Variants in GBF1 observed in about 807,000 individuals in gnomAD.
The protein encoded by GBF1 is Golgi-specific brefeldin A-resistance guanine nucleotide exchange factor 1.
In GBF1, 114 loss-of-function variants were observed where a neutral mutation model predicts 210.5. The ratio of observed to expected loss-of-function variants is 0.54; its 90% CI spans 0.47 to 0.63. GBF1 has a LOEUF of 0.63. GBF1 is among the 30% of genes least tolerant of loss of function. GBF1 has a pLI of 0.00. For synonymous variants in GBF1, 850 were observed against 889.2 expected, an observed-to-expected ratio of 0.96 and a Z score of 0.78; for missense variants, 1,851 against 2,357.7, an observed-to-expected ratio of 0.79 and a Z score of 4.45.
At position 102,358,118 on chromosome 10, in the gene GBF1, T is replaced by TGACCAA. The variant is rs1295163611; in HGVS notation, c.720_725dup (p.Thr241_Lys242dup). On this transcript the variant is annotated inframe_insertion, in exon 9 of 40. Transcript: ENST00000369983. Reference sequence around the variant, plus strand: ...AGATCCCCTCGGCCCCCACGCCATATGACCAAAGTCACACCAGGTTCAGAG... The same window carrying TGACCAA: ...AGATCCCCTCGGCCCCCACGCCATATGACCAAGACCAAAGTCACACCAGGTTCAGAG... 4 of 1,612,982 alleles carry TGACCAA rather than the reference T, an allele frequency of 2.5e-6. No individual in the cohort carries two copies. Among genetic ancestry groups the TGACCAA allele is most frequent in the Non-Finnish European group, 3.4e-6 (4 of 1,179,052 alleles).
chr10:102,250,554 G>A (rs560988052), intron 1 of GBF1, among the ~76,000 whole-genome samples: 2 of 142,112 alleles, frequency 1.4e-5, no homozygotes, highest in African/African-American at 2.6e-5. Flanking sequence ...AATTTATGTT[G>A]CCTAGGCTGG....
At chr10:102,368,171 G>T in intron 21 of GBF1, 47 bp from the exon 22 acceptor site, 1 of 1,243,276 alleles carries the variant, frequency 8.0e-7, no homozygotes, top group East Asian at 2.3e-5. Context: ...TTTGGAACTA[G>T]TCAGGTTCAA....
At chr10:102,285,586 C>G (rs2075865174) in intron 3 of GBF1, among the ~76,000 whole-genome samples, 1 of 152,124 alleles carries the variant, frequency 6.6e-6, no homozygotes, top group Non-Finnish European at 1.5e-5. Flanking sequence ...TTACCCCTCT[C>G]TTTTTTAGTC....
At chr10:102,290,746 C>T (rs938686851) in intron 3 of GBF1, among the ~76,000 whole-genome samples, 1 of 152,206 alleles carries the variant, frequency 6.6e-6, no homozygotes, top group Non-Finnish European at 1.5e-5. Flanking sequence ...CTAAAGCAAT[C>T]CACCTGCCTG....
At chr10:102,268,711 A>C (rs1189855336) in intron 3 of GBF1, among the ~76,000 whole-genome samples, 1 of 152,134 alleles carries the variant, frequency 6.6e-6, no homozygotes, top group Non-Finnish European at 1.5e-5. Context: ...TGTTGTTTTG[A>C]TTAGGAGAGA....
At chr10:102,285,905 T>G (rs952315219) in intron 3 of GBF1, among the ~76,000 whole-genome samples, 2 of 152,184 alleles carry the variant, frequency 1.3e-5, no homozygotes, top group African/African-American at 2.4e-5. Flanking sequence ...TTAATGTGTT[T>G]GCTGTATCTC....
At position 102,368,460 on chromosome 10, in the gene GBF1, C is replaced by T. The variant is rs1394905090; in HGVS notation, c.2879+6C>T. 1 of 1,520,332 alleles carries T rather than the reference C, an allele frequency of 6.6e-7. No homozygotes were observed. Among genetic ancestry groups the T allele is most frequent in the African/African-American group, 1.4e-5 (1 of 73,004 alleles). The allele number at this position is 1,520,332 out of a possible 1,614,324, so 94.2% of individuals were successfully genotyped here. On this transcript the variant is annotated splice_donor_region_variant and intron_variant, in intron 22 of 39. Transcript: ENST00000369983. ...AAAGCCATCTCAGGCTTCAGGTAGC[C>T]CAGCTTTGGCCTTGGTCTTCACCTC...
chr10:102,288,860 G>A (rs536331515), intron 3 of GBF1, among the ~76,000 whole-genome samples: 1 of 152,232 alleles, frequency 6.6e-6, no homozygotes, highest in African/African-American at 2.4e-5. Flanking sequence ...CAGCATTTTG[G>A]AACGCTGAGG....
At chr10:102,307,599 G>T (rs1204306780) in intron 3 of GBF1, among the ~76,000 whole-genome samples, 1 of 152,092 alleles carries the variant, frequency 6.6e-6, no homozygotes, top group Non-Finnish European at 1.5e-5. Flanking sequence ...GACCATCCTG[G>T]CTAACACAGG....
At chr10:102,333,588 G>A (rs1448822962) in intron 3 of GBF1, among the ~76,000 whole-genome samples, 3 of 151,916 alleles carry the variant, frequency 2.0e-5, no homozygotes, top group Non-Finnish European at 4.4e-5. Flanking sequence ...GCGCATGCCT[G>A]GCTAATTTTT....
Position 102,380,242 on chromosome 10 carries a change from G to C in GBF1, c.4879-7G>C, listed in dbSNP as rs2060762241. 1 of 1,597,010 alleles carries C rather than the reference G, an allele frequency of 6.3e-7. No homozygotes were observed. Among genetic ancestry groups the C allele is most frequent in the African/African-American group, 1.3e-5 (1 of 74,576 alleles). On this transcript the variant is annotated splice_polypyrimidine_tract_variant and splice_region_variant and intron_variant, in intron 36 of 39. Coordinates refer to ENST00000369983, the MANE Select transcript of GBF1 (RefSeq NM_001377137.1). ...CCCCTCAGCTGAAGGGGGCTGGTGG[G>C]CCATAGGTCTTCCTGCAGCACCTGT...
chr10:102,273,206 T>C (rs2074603735), intron 3 of GBF1, among the ~76,000 whole-genome samples: 2 of 151,986 alleles, frequency 1.3e-5, no homozygotes. Flanking sequence ...CCAGGCATGG[T>C]GGCACGTGCC....
At chr10:102,247,355 A>G (rs929204663) in intron 1 of GBF1, among the ~76,000 whole-genome samples, 9 of 152,226 alleles carry the variant, frequency 5.9e-5, no homozygotes, top group Non-Finnish European at 1.2e-4. Flanking sequence ...GAAATGGTAC[A>G]GGAAACTATT....
At chr10:102,370,007 T>C (rs757950086) in intron 26 of GBF1, 23 bp downstream of exon 26, 1 of 1,613,588 alleles carries the variant, frequency 6.2e-7, no homozygotes, top group Non-Finnish European at 8.5e-7. Context: ...CCACCCCTGG[T>C]GAGAAAGCCT....
intron 1 of GBF1, among the ~76,000 whole-genome samples, chr10:102,257,488 G>A (rs889917932): frequency 4.6e-5 from 7 of 151,434 alleles, no homozygotes; most frequent in African/African-American, 1.7e-4. Flanking sequence ...TTTTAGTTTT[G>A]TTTTTTTGGT....
Position 102,366,464 on chromosome 10 carries a change from A to G in GBF1, c.2391A>G (p.Pro797=). The change falls in exon 19 of 40, where the codon CCA becomes CCG. Residue 797 remains proline (P), a synonymous_variant. Transcript: ENST00000369983. This position sits in a 1 kb window ranked among gnomAD's most constrained non-coding sequence, Gnocchi z 4.0. The part of the protein sequence containing the change: ...LEAFRLPGEA[P]VIQRLLEAFT... The stretch of plus-strand genomic sequence containing the variant: ...CCTTCCGTTTGCCTGGGGAAGCACC[A>G]GTCATCCAGAGGTTGCTGGAGGCAT... 6.2e-7 allele frequency: 1 copy of G among 1,613,980 alleles called. No individual in the cohort carries two copies. The highest frequency in any genetic ancestry group is 8.5e-7 in the Non-Finnish European group (1 of 1,179,910).
At chr10:102,341,229 A>G (rs1486637649) in intron 3 of GBF1, among the ~76,000 whole-genome samples, 1 of 152,244 alleles carries the variant, frequency 6.6e-6, no homozygotes. Context: ...GTCATTAGAG[A>G]AATGCAAATT....
In GBF1 at chr10:102,352,489, C is replaced by A; in HGVS notation, c.555C>A (p.Leu185=). 1.2e-6 allele frequency: 2 copies of A among 1,611,928 alleles called. No individual in the cohort carries two copies. The highest frequency in any genetic ancestry group is 1.7e-6 in the Non-Finnish European group (2 of 1,178,000). ...TGAGAAAATCCGCAGAGCACACTCT[C>A]GTAGACATGGTGCAGCTGCTCTTCA... ...ELLRKSAEHT[L]VDMVQLLFTR... The change falls in exon 7 of 40, where the codon CTC becomes CTA. Residue 185 remains leucine, a synonymous_variant. Coordinates refer to ENST00000369983, the MANE Select transcript of GBF1 (RefSeq NM_001377137.1).
At chr10:102,291,472 CT>C (rs2076431070) in intron 3 of GBF1, among the ~76,000 whole-genome samples, 1 of 152,088 alleles carries the variant, frequency 6.6e-6, no homozygotes, top group Non-Finnish European at 1.5e-5. Flanking sequence ...AATTAGGTCA[CT>C]TTTATTGTCT....
Sources: allele counts gnomAD v4.1 joint callset (sites outside exome capture counted in the v4.1 genomes callset), GRCh38; gene constraint gnomAD v4.1.1; non-coding constraint Gnocchi (gnomAD v3.1); transcripts MANE v1.5; gene names NCBI Gene and HGNC (gene_info 2026-07-23, HGNC 2026-07-21).